Variants in TMEM117 observed in about 807,000 individuals in gnomAD.
TMEM117 encodes transmembrane protein 117.
TMEM117 carries 27 observed loss-of-function variants against 52.4 expected under a neutral mutation model. The ratio of observed to expected loss-of-function variants is 0.51; its 90% CI spans 0.38 to 0.71. The LOEUF is 0.71. Ranked by LOEUF, TMEM117 falls within the 30% of genes least tolerant of loss-of-function variation. The pLI, the probability that TMEM117 is intolerant of heterozygous loss-of-function variation, is 0.00. For missense variants in TMEM117, 556 were observed against 630.5 expected (o/e 0.88, Z 1.26); for synonymous variants, 215 against 206.3 (o/e 1.04, Z -0.36).
At chr12:43,809,588 C>T in the TMEM117 span, among the ~76,000 whole-genome samples, 1 of 152,142 alleles carries the variant, frequency 6.6e-6, no homozygotes, top group Non-Finnish European at 1.5e-5. Flanking sequence ...TCATTTAAAA[C>T]AGAGCAAATG....
chr12:44,252,418 C>T (rs1375978415), intron 5 of TMEM117, among the ~76,000 whole-genome samples: 1 of 152,074 alleles, frequency 6.6e-6, no homozygotes, highest in Admixed American at 6.6e-5. Flanking sequence ...GCAGGAGAAT[C>T]GCTTGAACTT....
chr12:44,254,559 A>G (rs1950234871), intron 5 of TMEM117, among the ~76,000 whole-genome samples: 2 of 152,008 alleles, frequency 1.3e-5, no homozygotes, highest in South Asian at 4.1e-4. Context: ...CAAAAAATAA[A>G]TTTTATAATA....
intron 3 of TMEM117, among the ~76,000 whole-genome samples, chr12:44,081,106 G>T (rs1024756020): frequency 6.6e-6 from 1 of 151,990 alleles, no homozygotes; most frequent in African/African-American, 2.4e-5. Context: ...TTTTCCATTG[G>T]CATTTGCATG....
At chr12:44,273,798 A>G (rs1950478512) in intron 5 of TMEM117, among the ~76,000 whole-genome samples, 1 of 152,088 alleles carries the variant, frequency 6.6e-6, no homozygotes, top group African/African-American at 2.4e-5. Flanking sequence ...TCCTCAAAAA[A>G]CTGGGTATAG....
intron 3 of TMEM117, among the ~76,000 whole-genome samples, chr12:44,045,389 T>G (rs1403271534): frequency 1.3e-5 from 2 of 152,176 alleles, no homozygotes; most frequent in Non-Finnish European, 2.9e-5. Context: ...ATGGAAAGGT[T>G]TGTCCTCGCT....
chr12:44,311,016 GC>G (rs1349428307), intron 6 of TMEM117, among the ~76,000 whole-genome samples: 1 of 152,156 alleles, frequency 6.6e-6, no homozygotes, highest in Non-Finnish European at 1.5e-5. Flanking sequence ...ATTCTAAACT[GC>G]TAGATGATAG....
intron 2 of TMEM117, among the ~76,000 whole-genome samples, chr12:43,916,381 A>G (rs1944603151): frequency 6.6e-6 from 1 of 152,176 alleles, no homozygotes; most frequent in Non-Finnish European, 1.5e-5. Context: ...GAACACCACC[A>G]TTAACATTTT....
intron 3 of TMEM117, among the ~76,000 whole-genome samples, chr12:44,088,937 C>G (rs1008270115): frequency 6.6e-6 from 1 of 152,136 alleles, no homozygotes; most frequent in Non-Finnish European, 1.5e-5. Flanking sequence ...GTATTTATTT[C>G]TTTGGAGGAC....
At chr12:44,145,193 T>C (rs1454530469) in intron 4 of TMEM117, among the ~76,000 whole-genome samples, 1 of 152,108 alleles carries the variant, frequency 6.6e-6, no homozygotes, top group East Asian at 1.9e-4. Context: ...CTTTTTTCCA[T>C]TGGAAAAAGC....
chr12:43,895,546 T>C lies in TMEM117; in HGVS notation c.278-48664T>C, dbSNP rs573882059. 2.2e-3 allele frequency among the ~76,000 whole-genome samples: 338 copies of C among 152,340 alleles called. 1 individual carries two copies. Among genetic ancestry groups the C allele is most frequent in the Non-Finnish European group, 4.1e-3 (277 of 68,028 alleles). On this transcript the variant is annotated intron_variant, in intron 2 of 7. Coordinates refer to ENST00000266534, the MANE Select transcript of TMEM117 (RefSeq NM_032256.3). Reference sequence around the variant, plus strand: ...TATACATTTACTGGGCAAAGTTCTGTGATGGGTGCTGTGGGGAATACAAAG... The same window carrying C: ...TATACATTTACTGGGCAAAGTTCTGCGATGGGTGCTGTGGGGAATACAAAG...
At chr12:44,110,381 T>C (rs1420005890) in intron 3 of TMEM117, among the ~76,000 whole-genome samples, 2 of 49,474 alleles carry the variant, frequency 4.0e-5, no homozygotes, top group Non-Finnish European at 7.3e-5. Context: ...ATACGTCCCA[T>C]CAATACCTAA....
intron 4 of TMEM117, among the ~76,000 whole-genome samples, chr12:44,155,743 C>T (rs752308124): frequency 3.3e-5 from 5 of 152,030 alleles, no homozygotes; most frequent in Non-Finnish European, 5.9e-5. Flanking sequence ...CAGTTTACAA[C>T]AAAAATATCA....
At chr12:43,902,901 T>C (rs990527671) in intron 2 of TMEM117, among the ~76,000 whole-genome samples, 1 of 150,488 alleles carries the variant, frequency 6.6e-6, no homozygotes, top group Non-Finnish European at 1.5e-5. Flanking sequence ...AGTACCTAAA[T>C]AGAAAAAAAA....
chr12:43,816,328 T>C, the TMEM117 span, among the ~76,000 whole-genome samples: 15 of 151,612 alleles, frequency 9.9e-5, no homozygotes, highest in Non-Finnish European at 1.8e-4. Context: ...CTACCCACGA[T>C]GTTACTCACC....
intron 6 of TMEM117, among the ~76,000 whole-genome samples, chr12:44,311,103 A>C (rs532114991): frequency 6.6e-6 from 1 of 152,214 alleles, no homozygotes; most frequent in African/African-American, 2.4e-5. Context: ...CTATATCACT[A>C]CTGTTGTGTA....
chr12:44,045,653 G>A (rs1413716664), intron 3 of TMEM117, among the ~76,000 whole-genome samples: 2 of 152,064 alleles, frequency 1.3e-5, no homozygotes, highest in Non-Finnish European at 2.9e-5. Flanking sequence ...GACCAGCCTG[G>A]CCAACATGGT....
intron 2 of TMEM117, among the ~76,000 whole-genome samples, chr12:43,941,396 G>A (rs758255827): frequency 9.9e-5 from 15 of 152,114 alleles, no homozygotes; most frequent in Non-Finnish European, 2.1e-4. Context: ...AAAGGAAGGG[G>A]TTACTATTAA....
At chr12:43,876,592 T>A (rs1943800205) in intron 2 of TMEM117, among the ~76,000 whole-genome samples, 1 of 152,164 alleles carries the variant, frequency 6.6e-6, no homozygotes, top group Non-Finnish European at 1.5e-5. Flanking sequence ...ATTTCAAATA[T>A]TTTTTGAGCC....
At chr12:43,913,586 T>C (rs1944551848) in intron 2 of TMEM117, among the ~76,000 whole-genome samples, 1 of 152,144 alleles carries the variant, frequency 6.6e-6, no homozygotes, top group South Asian at 2.1e-4. Context: ...AAGCAGACCA[T>C]GTCCAACTGG....
Sources: allele counts gnomAD v4.1 joint callset (sites outside exome capture counted in the v4.1 genomes callset), GRCh38; gene constraint gnomAD v4.1.1; transcripts MANE v1.5; gene names NCBI Gene and HGNC (gene_info 2026-07-23, HGNC 2026-07-21).